The following TNR variants were observed in gnomAD, a reference collection of about 807,000 sequenced individuals.
The protein encoded by TNR is tenascin R, also known as tenascin-R.
In TNR, 45 loss-of-function variants were observed where a neutral mutation model predicts 150.4. The observed-to-expected ratio is 0.30, with a 90% CI of 0.24 to 0.38. The LOEUF is 0.38. Among genes scored for constraint, TNR ranks in the 10% least tolerant of loss-of-function variants. The probability of loss-of-function intolerance (pLI) is 1.00; values close to 1 mark genes in which losing one functional copy is unlikely to be tolerated. For missense variants in TNR, 1,544 were observed against 1,759.1 expected (o/e 0.88, Z 2.19); for synonymous variants, 687 against 678.4 (o/e 1.01, Z -0.20).
intron 21 of TNR, among the ~76,000 whole-genome samples, chr1:175,329,001 G>A (rs1197678383): frequency 6.6e-6 from 1 of 152,176 alleles, no homozygotes; most frequent in Non-Finnish European, 1.5e-5. Context: ...CCAAAGTGTG[G>A]CAAATTGGGC....
chr1:175,628,236 G>A (rs1422012517), intron 1 of TNR, among the ~76,000 whole-genome samples: 2 of 152,154 alleles, frequency 1.3e-5, no homozygotes, highest in Non-Finnish European at 2.9e-5. Context: ...TTTCTCCCCA[G>A]GGTATCAAGT....
intron 22 of TNR, among the ~76,000 whole-genome samples, chr1:175,323,696 C>A (rs1338985732): frequency 1.3e-5 from 2 of 152,184 alleles, no homozygotes; most frequent in Non-Finnish European, 2.9e-5. Context: ...TTCCAGGGAA[C>A]ATGTTGCAGG....
chr1:175,508,931 T>C (rs1659061347), intron 2 of TNR, among the ~76,000 whole-genome samples: 1 of 152,238 alleles, frequency 6.6e-6, no homozygotes, highest in Non-Finnish European at 1.5e-5. Flanking sequence ...CAGCACCATG[T>C]GAATGAGCTC....
chr1:175,695,985 T>TGGATGGATGG, intron 1 of TNR, among the ~76,000 whole-genome samples: 1 of 148,844 alleles, frequency 6.7e-6, no homozygotes, highest in East Asian at 2.0e-4. Context: ...CAGATGGATA[T>TGGATGGATGG]ATGGATGGAT....
chr1:175,707,592 C>T (rs546254491), intron 1 of TNR, among the ~76,000 whole-genome samples: 1 of 152,290 alleles, frequency 6.6e-6, no homozygotes, highest in East Asian at 1.9e-4. Flanking sequence ...CCTCCACCAA[C>T]CCCATTTTTT....
chr1:175,328,806 G>A (rs1422772336), intron 21 of TNR, among the ~76,000 whole-genome samples: 7 of 152,234 alleles, frequency 4.6e-5, no homozygotes, highest in Admixed American at 4.6e-4. Flanking sequence ...GGCGGATGAA[G>A]AGGAGGGAGG....
At chr1:175,458,266 C>T (rs988515867) in intron 2 of TNR, among the ~76,000 whole-genome samples, 1 of 152,016 alleles carries the variant, frequency 6.6e-6, no homozygotes, top group Non-Finnish European at 1.5e-5. Flanking sequence ...CTGTGTAAAC[C>T]ATTATGCTGT....
At chr1:175,514,793 A>G (rs1659333324) in intron 2 of TNR, among the ~76,000 whole-genome samples, 1 of 152,322 alleles carries the variant, frequency 6.6e-6, no homozygotes, top group South Asian at 2.1e-4. Flanking sequence ...GATAAATGCC[A>G]GGCGACCACA....
intron 1 of TNR, among the ~76,000 whole-genome samples, chr1:175,582,313 T>C (rs1247160806): frequency 2.0e-5 from 3 of 152,224 alleles, no homozygotes; most frequent in Non-Finnish European, 1.5e-5. Context: ...ACTGTAGTTA[T>C]TGCTGCATTG....
chr1:175,662,289 G>A (rs924745939), intron 1 of TNR, among the ~76,000 whole-genome samples: 7 of 152,012 alleles, frequency 4.6e-5, no homozygotes, highest in African/African-American at 1.2e-4. Flanking sequence ...CCTCCTGTAG[G>A]GTCTCCCCTA....
intron 21 of TNR, among the ~76,000 whole-genome samples, chr1:175,327,691 A>T (rs1208991117): frequency 6.6e-6 from 1 of 152,146 alleles, no homozygotes; most frequent in Non-Finnish European, 1.5e-5. Flanking sequence ...CCTCCACAGC[A>T]TCTGCTCCTT....
intron 1 of TNR, among the ~76,000 whole-genome samples, chr1:175,617,679 T>A (rs902367656): frequency 3.3e-5 from 5 of 152,200 alleles, no homozygotes; most frequent in African/African-American, 1.2e-4. Flanking sequence ...TGCGTTAAAG[T>A]CTGAGAAGTA....
intron 18 of TNR, among the ~76,000 whole-genome samples, chr1:175,352,724 C>CTTGTTTAATTA (rs1470822964): frequency 6.6e-6 from 1 of 152,150 alleles, no homozygotes; most frequent in East Asian, 1.9e-4. Context: ...TTAATTAAAA[C>CTTGTTTAATTA]ACTTGTTTCT....
At position 175,315,683 on chromosome 1, in the gene TNR, T is replaced by G. The variant is rs917047389; in HGVS notation, c.*7674A>C. ...GAGCCCCAGTTAATGACCCCCTCAG[T>G]GTCACAGTGATTTGCTTAGGGTACT... On this transcript the variant is annotated 3_prime_UTR_variant, in exon 23 of 23. Transcript: ENST00000367674. 3.3e-5 allele frequency: 5 copies of G among 152,206 alleles called. No individual in the cohort carries two copies. Among genetic ancestry groups the G allele is most frequent in the Non-Finnish European group, 4.4e-5 (3 of 68,048 alleles). The allele number at this position is 152,206 out of a possible 1,614,324, so 9.4% of individuals were successfully genotyped here. A position where few individuals can be genotyped will look rare whatever the true frequency, so the allele number is the denominator to read the frequency against.
At chr1:175,361,623 G>A (rs1305193857) in intron 14 of TNR, among the ~76,000 whole-genome samples, 1 of 152,216 alleles carries the variant, frequency 6.6e-6, no homozygotes, top group Non-Finnish European at 1.5e-5. Flanking sequence ...TACGAAAGCA[G>A]TAAGGAATTC....
intron 2 of TNR, among the ~76,000 whole-genome samples, chr1:175,519,313 A>G (rs921782908): frequency 6.6e-6 from 1 of 152,164 alleles, no homozygotes; most frequent in African/African-American, 2.4e-5. Context: ...GGGGAAGGAA[A>G]TTGTTTACAA....
At chr1:175,680,668 T>A (rs1013024466) in intron 1 of TNR, among the ~76,000 whole-genome samples, 1 of 151,636 alleles carries the variant, frequency 6.6e-6, no homozygotes, top group Admixed American at 6.6e-5. Flanking sequence ...CATGCTAAGG[T>A]ACAAAAGAGG....
At chr1:175,325,321 C>T (rs537017589) in intron 21 of TNR, among the ~76,000 whole-genome samples, 20 of 152,268 alleles carry the variant, frequency 1.3e-4, no homozygotes, top group South Asian at 2.1e-4. Flanking sequence ...CAATGAGATA[C>T]CATCTCACAC....
At chr1:175,679,368 C>T (rs1324208133) in intron 1 of TNR, among the ~76,000 whole-genome samples, 1 of 152,208 alleles carries the variant, frequency 6.6e-6, no homozygotes, top group East Asian at 1.9e-4. Flanking sequence ...CCCTCTGGGC[C>T]ATAGACCATA....
Sources: gnomAD v4.1 joint callset for allele counts (sites outside exome capture counted in the v4.1 genomes callset) on GRCh38, gnomAD v4.1.1 for gene constraint, MANE v1.5 for transcripts, NCBI Gene and HGNC (gene_info 2026-07-23, HGNC 2026-07-21) for gene names.